Variants in MBD2 observed in about 807,000 individuals in gnomAD.
MBD2 encodes the protein methyl-CpG binding domain protein 2.
Under a neutral mutation model 39.3 loss-of-function variants are expected in MBD2, and 9 were observed. The observed-to-expected ratio is 0.23, with a 90% CI of 0.14 to 0.40. The LOEUF is 0.40. MBD2 is among the 10% of genes least tolerant of loss of function. The pLI, the probability that MBD2 is intolerant of heterozygous loss-of-function variation, is 1.00. For synonymous variants in MBD2, 233 were observed against 211.1 expected (o/e 1.10, Z -0.90); for missense variants, 458 against 532.6 (o/e 0.86, Z 1.38).
chr18:54,160,227 G>T (rs748516393), intron 5 of MBD2: 30 of 207,652 alleles, frequency 1.4e-4, no homozygotes, highest in Admixed American at 3.8e-4. Flanking sequence ...AGGACAATTA[G>T]AAATAACTTA....
intron 5 of MBD2, among the ~76,000 whole-genome samples, chr18:54,164,087 T>G (rs1016172349): frequency 3.3e-5 from 5 of 152,114 alleles, no homozygotes; most frequent in Non-Finnish European, 7.3e-5. Flanking sequence ...GGTCTCACTG[T>G]GTTGCCCAGG....
At chr18:54,169,828 A>G (rs932189275) in intron 3 of MBD2, among the ~76,000 whole-genome samples, 1 of 152,250 alleles carries the variant, frequency 6.6e-6, no homozygotes, top group Non-Finnish European at 1.5e-5. Context: ...AGAAACTCCC[A>G]AAATGTGCTA....
At chr18:54,220,724 T>C (rs2086604374) in intron 1 of MBD2, among the ~76,000 whole-genome samples, 1 of 152,246 alleles carries the variant, frequency 6.6e-6, no homozygotes, top group African/African-American at 2.4e-5. Context: ...GGGACACTAA[T>C]ATGTAAAGCA....
At chr18:54,215,969 T>A (rs2086556737) in intron 1 of MBD2, among the ~76,000 whole-genome samples, 1 of 151,838 alleles carries the variant, frequency 6.6e-6, no homozygotes, top group Admixed American at 6.6e-5. Flanking sequence ...GCCCGGCTAA[T>A]TTTTTCTTGT....
intron 6 of MBD2, among the ~76,000 whole-genome samples, chr18:54,159,458 C>T (rs541292601): frequency 1.7e-4 from 26 of 151,370 alleles, no homozygotes; most frequent in Non-Finnish European, 3.2e-4. Flanking sequence ...CACTCTGTCA[C>T]CCAGGTTGGA....
intron 1 of MBD2, among the ~76,000 whole-genome samples, chr18:54,220,903 A>C (rs1043869554): frequency 1.3e-5 from 2 of 152,254 alleles, no homozygotes; most frequent in Non-Finnish European, 1.5e-5. Flanking sequence ...AAGAAAAACA[A>C]GACTGGTTGT....
intron 3 of MBD2, among the ~76,000 whole-genome samples, chr18:54,167,935 A>G (rs510530): frequency 0.013 from 1,951 of 150,794 alleles, 45 homozygotes; most frequent in African/African-American, 0.045. Context: ...TGTGTTTTGA[A>G]TATCACAGCT....
chr18:54,211,411 A>ACACACC (rs992109884), intron 1 of MBD2, among the ~76,000 whole-genome samples: 1 of 151,126 alleles, frequency 6.6e-6, no homozygotes, highest in East Asian at 1.9e-4. Context: ...ACACACACAC[A>ACACACC]CACGCACACA....
chr18:54,219,636 C>G (rs1053988823), intron 1 of MBD2, among the ~76,000 whole-genome samples: 1 of 152,178 alleles, frequency 6.6e-6, no homozygotes, highest in Non-Finnish European at 1.5e-5. Flanking sequence ...CCTGGGTCCA[C>G]TCAGTCAGTT....
At chr18:54,156,143 A>T (rs2086050127) in intron 6 of MBD2, among the ~76,000 whole-genome samples, 1 of 152,198 alleles carries the variant, frequency 6.6e-6, no homozygotes, top group East Asian at 1.9e-4. Context: ...ACAGGTTATT[A>T]CGGACAGCTG....
intron 1 of MBD2, among the ~76,000 whole-genome samples, chr18:54,210,073 T>C (rs1020290572): frequency 1.3e-5 from 2 of 152,088 alleles, no homozygotes; most frequent in African/African-American, 2.4e-5. Flanking sequence ...AGTAATGAAA[T>C]ACTATTTCAC....
intron 2 of MBD2, among the ~76,000 whole-genome samples, chr18:54,201,852 G>A (rs1196666183): frequency 2.1e-5 from 3 of 140,614 alleles, no homozygotes; most frequent in African/African-American, 2.7e-5. Flanking sequence ...GACAGAGCGA[G>A]ACTCCATCTC....
At chr18:54,220,040 A>T (rs1271535928) in intron 1 of MBD2, among the ~76,000 whole-genome samples, 1 of 152,178 alleles carries the variant, frequency 6.6e-6, no homozygotes, top group Non-Finnish European at 1.5e-5. Flanking sequence ...TGACCTCGTG[A>T]TCCACCCGCC....
chr18:54,204,296 G>A (rs1317914377), intron 2 of MBD2, among the ~76,000 whole-genome samples: 1 of 152,094 alleles, frequency 6.6e-6, no homozygotes, highest in African/African-American at 2.4e-5. Flanking sequence ...TTGTCCCCAG[G>A]GAAAAAGCAG....
intron 3 of MBD2, among the ~76,000 whole-genome samples, chr18:54,167,810 A>G (rs1219724317): frequency 1.3e-5 from 2 of 152,202 alleles, no homozygotes; most frequent in Admixed American, 6.5e-5. Flanking sequence ...AAATATATTA[A>G]TCATCATGGA....
rs1317770182 is a variant in MBD2, at chr18:54,210,533, T to C, written c.543-5376A>G. Among the ~76,000 whole-genome samples the C allele has an allele frequency of 2.0e-5, 3 of 152,210 alleles. No individual in the cohort carries two copies. In the East Asian group the frequency reaches 5.8e-4, roughly 29 times the overall value. On this transcript the variant is annotated intron_variant, in intron 1 of 6. Transcript: ENST00000256429. ...CTAATATAGCAGAAGATACCTTTTC[T>C]TGTTTCTTTGATAACATGGATAATC...
At position 54,224,258 on chromosome 18, in the gene MBD2, C is replaced by T. The variant is rs2086642126; in HGVS notation, c.302G>A (p.Gly101Asp). 4 of 970,288 alleles carry T rather than the reference C, an allele frequency of 4.1e-6. No homozygotes were observed. The highest frequency in any genetic ancestry group is 3.7e-6 in the Non-Finnish European group (3 of 817,904). 60.1% of individuals were successfully genotyped at this position (970,288 alleles called of 1,614,324 possible). ...GRGRGRPPSG[G>D]SGLGGDGGGC... The stretch of plus-strand genomic sequence containing the variant: ...GCCGCCGTCGCCGCCAAGGCCGCTG[C>T]CGCCACTCGGGGGACGGCCGCGGCC... Residue 101 changes from glycine (G) to aspartate (D), a missense_variant, in exon 1 of 7, where the codon GGC (glycine) becomes GAC (aspartate). Gly to Asp is a moderately conservative substitution (Grantham distance 94). Transcript: ENST00000256429.
chr18:54,177,769 T>TGCGCCCAGCC (rs71164917), intron 3 of MBD2, among the ~76,000 whole-genome samples: 1 of 150,452 alleles, frequency 6.6e-6, no homozygotes, highest in African/African-American at 2.4e-5. Flanking sequence ...CGTGAGCCAC[T>TGCGCCCAGCC]AAATTAATTC....
intron 1 of MBD2, among the ~76,000 whole-genome samples, chr18:54,211,073 G>GT (rs1568093022): frequency 6.6e-6 from 1 of 150,934 alleles, no homozygotes; most frequent in African/African-American, 2.4e-5. Flanking sequence ...GGGTTTCACC[G>GT]TTTTAGCCGG....
Sources: allele counts gnomAD v4.1 joint callset (sites outside exome capture counted in the v4.1 genomes callset), GRCh38; gene constraint gnomAD v4.1.1; transcripts MANE v1.5; gene names NCBI Gene and HGNC (gene_info 2026-07-23, HGNC 2026-07-21).